MAML1: variants seen among roughly 807,000 people sequenced by gnomAD.
MAML1 encodes mastermind-like protein 1.
Under a neutral mutation model 77.1 loss-of-function variants are expected in MAML1, and 14 were observed. The observed-to-expected ratio is 0.18, with a 90% CI of 0.12 to 0.28. MAML1 has a LOEUF of 0.28. Ranked by LOEUF, MAML1 falls within the 10% of genes least tolerant of loss-of-function variation. MAML1 has a pLI of 1.00. For synonymous variants in MAML1, 516 were observed against 551.9 expected (o/e 0.93, Z 0.91); for missense variants, 1,217 against 1,327.8 (o/e 0.92, Z 1.30).
intron 1 of MAML1, among the ~76,000 whole-genome samples, chr5:179,764,414 C>A (rs28646032): frequency 1 from 151,585 of 152,190 alleles, 75,493 homozygotes; most frequent in East Asian, 1. Context: ...TAATCCCAGC[C>A]CTTTGGGAGA....
chr5:179,774,776 T>A lies in MAML1; in HGVS notation c.2950T>A (p.Ser984Thr), dbSNP rs748883967. Residue 984 changes from serine to threonine, a missense_variant, in exon 5 of 5, where the codon TCT becomes ACT. By Grantham distance (58) the Ser-to-Thr change is moderately conservative. Transcript: ENST00000292599. ...CGGGCAGCCAGGTGGCAGTGGGCTCTCTAGTGTGGCTGGACACACCGATCT... is the reference window on the plus strand; with the variant it reads ...CGGGCAGCCAGGTGGCAGTGGGCTCACTAGTGTGGCTGGACACACCGATCT... ...YSGQPGGSGLSSVAGHTDLID... is the reference protein window; with the variant it reads ...YSGQPGGSGLTSVAGHTDLID... 1 of 1,613,630 alleles carries A rather than the reference T, an allele frequency of 6.2e-7. No homozygotes were observed. The highest frequency in any genetic ancestry group is 1.3e-5 in the African/African-American group (1 of 74,936).
At position 179,776,764 on chromosome 5, in the gene MAML1, G is replaced by A. The variant is rs1230849435; in HGVS notation, c.*1887G>A. 18 of 985,958 alleles carry A rather than the reference G, an allele frequency of 1.8e-5. No individual in the cohort carries two copies. In the Admixed American group the frequency reaches 3.1e-4, roughly 17 times the overall value. The allele number at this position is 985,958 out of a possible 1,614,324, so 61.1% of individuals were successfully genotyped here. A position where few individuals can be genotyped will look rare whatever the true frequency, so the allele number is the denominator to read the frequency against. On this transcript the variant is annotated 3_prime_UTR_variant, in exon 5 of 5. Transcript: ENST00000292599. ...TGCACTCCGCCTTAGTCCTGGGGCC[G>A]GCGACACAGTGGGGGCTCCTCACTT...
Position 179,773,908 on chromosome 5 carries a change from C to T in MAML1, c.2082C>T (p.Ala694=), listed in dbSNP as rs62406189. ...QVGQFTGSSA[A]VPGMNTLGPS... ...TCTGTCTTGTAGGGTCCTCTGCTGC[C>T]GTGCCCGGCATGAACACCTTGGGTC... The change falls in exon 5 of 5, where the codon GCC becomes GCT. Residue 694 remains alanine, a synonymous_variant. Transcript: ENST00000292599. The T allele has an allele frequency of 1.2e-5, 19 of 1,613,028 alleles. No individual in the cohort carries two copies. The highest frequency in any genetic ancestry group is 6.7e-5 in the East Asian group (3 of 44,838).
Position 179,766,096 on chromosome 5 carries a change from C to G in MAML1, c.1086C>G (p.Asn362Lys), listed in dbSNP as rs1451749053. The G allele has an allele frequency of 6.3e-7, 1 of 1,582,582 alleles. No individual in the cohort carries two copies. The highest frequency in any genetic ancestry group is 1.4e-5 in the African/African-American group (1 of 73,684). ...CCCGGGCGGACAATCCCAGTCCAAA[C>G]CTGATGCCGGCATCAGCCCAGGCCC... ...GQPRADNPSP[N>K]LMPASAQAQN... Residue 362 changes from asparagine to lysine, a missense_variant, in exon 2 of 5, where the codon AAC (asparagine) becomes AAG (lysine). Transcript: ENST00000292599. This position sits in a 1 kb window ranked among gnomAD's most constrained non-coding sequence, Gnocchi z 4.0.
At position 179,774,774 on chromosome 5, in the gene MAML1, T is replaced by G. The variant is rs777463880; in HGVS notation, c.2948T>G (p.Leu983Arg). Residue 983 changes from leucine to arginine, a missense_variant, in exon 5 of 5, where the codon CTC (leucine) becomes CGC (arginine). Physicochemically the swap from Leu to Arg is moderately radical, Grantham distance 102. Coordinates refer to ENST00000292599, the MANE Select transcript of MAML1 (RefSeq NM_014757.5). ...AYSGQPGGSGLSSVAGHTDLI... is the reference protein window; with the variant it reads ...AYSGQPGGSGRSSVAGHTDLI... The stretch of plus-strand genomic sequence containing the variant: ...AGCGGGCAGCCAGGTGGCAGTGGGC[T>G]CTCTAGTGTGGCTGGACACACCGAT... The G allele has an allele frequency of 6.2e-7, 1 of 1,613,718 alleles. No individual in the cohort carries two copies. The highest frequency in any genetic ancestry group is 1.1e-5 in the South Asian group (1 of 91,088).
chr5:179,764,774 C>T (rs1379719127), intron 1 of MAML1, among the ~76,000 whole-genome samples: 1 of 152,042 alleles, frequency 6.6e-6, no homozygotes, highest in Non-Finnish European at 1.5e-5. Context: ...CCAGCCTGGC[C>T]AACATGGTGA....
At chr5:179,753,151 G>C (rs1033479234) in intron 1 of MAML1, among the ~76,000 whole-genome samples, 4 of 151,652 alleles carry the variant, frequency 2.6e-5, no homozygotes, top group African/African-American at 9.7e-5. Context: ...ACTGATTTCA[G>C]TTTGCTCACC....
intron 1 of MAML1, among the ~76,000 whole-genome samples, chr5:179,753,745 C>T (rs1483334092): frequency 6.9e-6 from 1 of 145,252 alleles, no homozygotes; most frequent in African/African-American, 2.5e-5. Context: ...TCACTGCAAC[C>T]TCCGCCTCCC....
chr5:179,765,697 T>C lies in MAML1; in HGVS notation c.687T>C (p.Thr229=). ...TCGAAGACCTGCCTTGCATGATCAC[T>C]GGGACTGTCGGCTCCATATCGCAAA... is the stretch of plus-strand genomic sequence containing the variant. ...EPVEDLPCMI[T]GTVGSISQSN... Residue 229 remains threonine, a synonymous_variant, in exon 2 of 5, where the codon ACT becomes ACC. Transcript: ENST00000292599. The C allele has an allele frequency of 1.2e-6, 2 of 1,614,122 alleles. No homozygotes were observed. Among genetic ancestry groups the C allele is most frequent in the Non-Finnish European group, 1.7e-6 (2 of 1,179,990 alleles).
chr5:179,774,887 T>G lies in MAML1; in HGVS notation c.*10T>G, dbSNP rs75704521. On this transcript the variant is annotated 3_prime_UTR_variant, in exon 5 of 5. Transcript: ENST00000292599. ...GTTAGGGTCTCAGTAATGGAAGGATTTGTAGTGTTTTTAGTGTTCATTCAT... is the reference window on the plus strand; with the variant it reads ...GTTAGGGTCTCAGTAATGGAAGGATGTGTAGTGTTTTTAGTGTTCATTCAT... 35,092 of 1,584,936 alleles carry G rather than the reference T, an allele frequency of 0.022. 941 individuals are homozygous for G. The highest frequency in any genetic ancestry group is 0.17 in the East Asian group (7,540 of 44,388).
chr5:179,755,923 C>A (rs1200113705), intron 1 of MAML1, among the ~76,000 whole-genome samples: 2 of 151,726 alleles, frequency 1.3e-5, no homozygotes, highest in Non-Finnish European at 2.9e-5. Flanking sequence ...CACCACCACG[C>A]CCAGCTAATT....
intron 2 of MAML1, among the ~76,000 whole-genome samples, chr5:179,767,094 GC>G (rs1779835295): frequency 4.4e-5 from 6 of 135,320 alleles, no homozygotes; most frequent in Admixed American, 4.4e-4. Context: ...TAGAGGCTTG[GC>G]TTTTTTTTTT....
intron 1 of MAML1, among the ~76,000 whole-genome samples, chr5:179,752,332 A>AG (rs1779506755): frequency 1.3e-5 from 1 of 76,490 alleles, no homozygotes; most frequent in Non-Finnish European, 2.7e-5. Flanking sequence ...CTCCAAAAAA[A>AG]AAAAAAAAAA....
At position 179,774,133 on chromosome 5, in the gene MAML1, G is replaced by T; in HGVS notation, c.2307G>T (p.Gln769His). 6.2e-7 allele frequency: 1 copy of T among 1,612,698 alleles called. No individual in the cohort carries two copies. The highest frequency in any genetic ancestry group is 8.5e-7 in the Non-Finnish European group (1 of 1,179,850). ...MASGITQIVA[Q>H]PPPQATNGHA... ...CTGGCATAACCCAGATAGTTGCCCA[G>T]CCCCCGCCACAGGCCACCAATGGAC... The change falls in exon 5 of 5, where the codon CAG (glutamine) becomes CAT (histidine). Residue 769 changes from glutamine (Q) to histidine (H), a missense_variant. By Grantham distance (24) the Gln-to-His change is conservative. Coordinates refer to ENST00000292599, the MANE Select transcript of MAML1 (RefSeq NM_014757.5).
chr5:179,750,724 A>G (rs1779472098), intron 1 of MAML1, among the ~76,000 whole-genome samples: 1 of 152,144 alleles, frequency 6.6e-6, no homozygotes, highest in African/African-American at 2.4e-5. Context: ...GGACTCCCAA[A>G]GTGCTGGGAT....
chr5:179,758,672 G>C (rs1779670920), intron 1 of MAML1, among the ~76,000 whole-genome samples: 1 of 151,942 alleles, frequency 6.6e-6, no homozygotes, highest in African/African-American at 2.4e-5. Context: ...TTACAGGCGT[G>C]AGCCACCACA....
At position 179,776,827 on chromosome 5, in the gene MAML1, T is replaced by TC; in HGVS notation, c.*1956dup. 2 of 985,824 alleles carry TC rather than the reference T, an allele frequency of 2.0e-6. No individual in the cohort carries two copies. The highest frequency in any genetic ancestry group is 2.4e-6 in the Non-Finnish European group (2 of 829,976). The allele number at this position is 985,824 out of a possible 1,614,324, so 61.1% of individuals were successfully genotyped here. A position where few individuals can be genotyped will look rare whatever the true frequency, so the allele number is the denominator to read the frequency against. Reference sequence around the variant, plus strand: ...TAGCAATAAAATGTGATTCTTGGGGTCCCCCCAGGGAGCTGCCCATGGCTT... The same window carrying TC: ...TAGCAATAAAATGTGATTCTTGGGGTCCCCCCCAGGGAGCTGCCCATGGCTT... On this transcript the variant is annotated 3_prime_UTR_variant, in exon 5 of 5. Transcript: ENST00000292599.
At chr5:179,744,093 A>G (rs1779335519) in intron 1 of MAML1, among the ~76,000 whole-genome samples, 2 of 152,182 alleles carry the variant, frequency 1.3e-5, no homozygotes, top group Admixed American at 6.6e-5. Context: ...TAGCCCACAT[A>G]ATATGTTTTA....
intron 1 of MAML1, among the ~76,000 whole-genome samples, chr5:179,739,715 A>G (rs1475983699): frequency 6.6e-6 from 1 of 152,186 alleles, no homozygotes; most frequent in South Asian, 2.1e-4. Flanking sequence ...ATATGACAAC[A>G]TTTACATAGC....
Sources: gnomAD v4.1 joint callset for allele counts (sites outside exome capture counted in the v4.1 genomes callset) on GRCh38, gnomAD v4.1.1 for gene constraint, Gnocchi (gnomAD v3.1) non-coding constraint, MANE v1.5 for transcripts, NCBI Gene and HGNC (gene_info 2026-07-23, HGNC 2026-07-21) for gene names.